Variants in CSF1R observed in about 807,000 individuals in gnomAD.
CSF1R encodes colony stimulating factor 1 receptor.
A neutral mutation model predicts 110.0 loss-of-function variants in CSF1R; 40 were observed. That is an observed-to-expected ratio of 0.36 (90% CI 0.28 to 0.47). CSF1R has a LOEUF of 0.47. CSF1R is among the 20% of genes least tolerant of loss of function. CSF1R has a pLI of 0.99. For missense variants in CSF1R, 1,052 were observed against 1,253.0 expected (o/e 0.84, Z 2.42); for synonymous variants, 523 against 503.4 (o/e 1.04, Z -0.52).
chr5:150,070,388 A>C, intron 7 of CSF1R, 68 bp downstream of exon 7: 1 of 1,576,888 alleles, frequency 6.3e-7, no homozygotes, highest in Non-Finnish European at 8.6e-7. Flanking sequence ...GCCCTGCCCC[A>C]GTCAACCCCA....
chr5:150,080,691 C>T (rs201706960), intron 2 of CSF1R, 76 bp downstream of exon 2: 448 of 1,564,326 alleles, frequency 2.9e-4, no homozygotes, highest in East Asian at 1.3e-3. Context: ...TGAATTGTTA[C>T]GATTGTTAAT....
At chr5:150,103,287 A>C (rs1272676849) in intron 1 of CSF1R, among the ~76,000 whole-genome samples, 1 of 152,236 alleles carries the variant, frequency 6.6e-6, no homozygotes, top group Non-Finnish European at 1.5e-5. Flanking sequence ...TGTGGGAAGC[A>C]GTTAGCCCAT....
At chr5:150,068,395 T>C in intron 9 of CSF1R, 65 bp from the exon 10 acceptor site, 1 of 1,109,712 alleles carries the variant, frequency 9.0e-7, no homozygotes, top group Non-Finnish European at 1.3e-6. Context: ...AGGTCAGGCC[T>C]GCACACTGCC....
At chr5:150,065,058 G>A (rs1436496031) in intron 10 of CSF1R, among the ~76,000 whole-genome samples, 1 of 152,170 alleles carries the variant, frequency 6.6e-6, no homozygotes, top group East Asian at 1.9e-4. Flanking sequence ...CCTGGGAGTG[G>A]GGCGCTGGGC....
chr5:150,107,465 G>T (rs1384494813), intron 1 of CSF1R, among the ~76,000 whole-genome samples: 1 of 152,202 alleles, frequency 6.6e-6, no homozygotes, highest in Non-Finnish European at 1.5e-5. Flanking sequence ...TGAGCTATTT[G>T]CACAGATCAT....
At chr5:150,067,495 G>A (rs965192682) in intron 10 of CSF1R, among the ~76,000 whole-genome samples, 2 of 152,316 alleles carry the variant, frequency 1.3e-5, no homozygotes, top group East Asian at 3.9e-4. Context: ...ATGAGATGAT[G>A]TAGGTAACAT....
intron 1 of CSF1R, among the ~76,000 whole-genome samples, chr5:150,084,434 G>GGAAGGAAA (rs1758733031): frequency 1.5e-5 from 1 of 64,670 alleles, no homozygotes; most frequent in Non-Finnish European, 3.0e-5. Context: ...AAGGAAGGAA[G>GGAAGGAAA]GAAGGAAGGA....
chr5:150,085,277 G>GGAAAAAAAAAAAAAAAA (rs1758786208), intron 1 of CSF1R, among the ~76,000 whole-genome samples: 9 of 92,466 alleles, frequency 9.7e-5, no homozygotes, highest in African/African-American at 3.3e-4. Context: ...TCTGTCTCAG[G>GGAAAAAAAAAAAAAAAA]AAAAAAAAAA....
At position 150,054,123 on chromosome 5, in the gene CSF1R, C is replaced by T; in HGVS notation, c.2865G>A (p.Glu955=). The change falls in exon 21 of 21, where the codon GAG becomes GAA. Residue 955 remains glutamate (E), a synonymous_variant. Transcript: ENST00000675795. ...ESSSEHLTCC[E]QGDIAQPLLQ... is the part of the protein sequence containing the mutation. ...GCAAGGGCTGGGCGATATCCCCTTG[C>T]TCGCAGCAGGTCAGGTGCTCACTAG... 1 of 1,614,072 alleles carries T rather than the reference C, an allele frequency of 6.2e-7. No homozygotes were observed. Among genetic ancestry groups the T allele is most frequent in the Non-Finnish European group, 8.5e-7 (1 of 1,179,998 alleles).
At chr5:150,062,184 C>A (rs900672352) in intron 10 of CSF1R, among the ~76,000 whole-genome samples, 3 of 115,544 alleles carry the variant, frequency 2.6e-5, no homozygotes, top group Non-Finnish European at 5.6e-5. Flanking sequence ...AACTTGAGAT[C>A]TTATCCATCC....
intron 1 of CSF1R, chr5:150,094,341 G>A (rs1759143534): frequency 1.9e-6 from 3 of 1,599,606 alleles, no homozygotes; most frequent in East Asian, 2.2e-5. Flanking sequence ...GGTTCCTGCT[G>A]TGCCAGAAAC....
intron 1 of CSF1R, among the ~76,000 whole-genome samples, chr5:150,106,052 G>A (rs186043437): frequency 2.6e-4 from 39 of 152,306 alleles, no homozygotes; most frequent in African/African-American, 8.4e-4. Flanking sequence ...CAGAGCCTAC[G>A]CTAATGACCA....
intron 1 of CSF1R, among the ~76,000 whole-genome samples, chr5:150,109,058 G>GCCCCCCCCCCC (rs60014782): frequency 7.0e-4 from 84 of 119,660 alleles, no homozygotes; most frequent in Non-Finnish European, 1.2e-3. Context: ...GGAGAAGCCC[G>GCCCCCCCCCCC]CCCCCCCCCC....
chr5:150,093,016 C>G (rs1351334416), intron 1 of CSF1R, among the ~76,000 whole-genome samples: 1 of 152,144 alleles, frequency 6.6e-6, no homozygotes, highest in Admixed American at 6.6e-5. Context: ...AACTACTGCA[C>G]TATGAAAAAC....
Position 150,054,013 on chromosome 5 carries a change from C to T in CSF1R, c.*56G>A, listed in dbSNP as rs745652939. 1.5e-5 allele frequency: 23 copies of T among 1,554,566 alleles called. No homozygotes were observed. Among genetic ancestry groups the T allele is most frequent in the Non-Finnish European group, 1.9e-5 (21 of 1,132,342 alleles). On this transcript the variant is annotated 3_prime_UTR_variant, in exon 21 of 21. Transcript: ENST00000675795. ...TATGTTCTCCCCGTGTCGCCCCATC[C>T]ATGGAGGAGTTGAAGTTTGTGGGAG...
chr5:150,058,617 T>G (rs548214653), intron 14 of CSF1R, among the ~76,000 whole-genome samples: 16 of 152,316 alleles, frequency 1.1e-4, no homozygotes, highest in African/African-American at 3.8e-4. Context: ...CATTTTGATC[T>G]GATCTTCAGA....
chr5:150,077,164 A>C, intron 5 of CSF1R, 112 bp downstream of exon 5: 13 of 1,386,214 alleles, frequency 9.4e-6, no homozygotes, highest in East Asian at 2.3e-5. Context: ...AAACTCCAGC[A>C]GAGATATCCT....
chr5:150,094,365 C>G, intron 1 of CSF1R: 2 of 1,599,676 alleles, frequency 1.3e-6, no homozygotes, highest in Non-Finnish European at 1.7e-6. Context: ...TAAGAAAAAG[C>G]GAAGGAATTT....
intron 8 of CSF1R, 43 bp downstream of exon 8, chr5:150,070,139 A>G: frequency 1.2e-6 from 2 of 1,609,730 alleles, no homozygotes; most frequent in Non-Finnish European, 1.7e-6. Context: ...CAGGGTGCCC[A>G]GCCCCTGAGC....
Sources: gnomAD v4.1 joint callset for allele counts (sites outside exome capture counted in the v4.1 genomes callset) on GRCh38, gnomAD v4.1.1 for gene constraint, MANE v1.5 for transcripts, NCBI Gene and HGNC (gene_info 2026-07-23, HGNC 2026-07-21) for gene names.